The following SRBD1 variants were observed in gnomAD, a reference collection of about 807,000 sequenced individuals.
SRBD1 encodes S1 RNA-binding domain-containing protein 1.
A neutral mutation model predicts 115.3 loss-of-function variants in SRBD1; 88 were observed. The ratio of observed to expected loss-of-function variants is 0.76; its 90% CI spans 0.64 to 0.91. The LOEUF (loss-of-function observed/expected upper bound fraction) is 0.91, where lower values mean the gene tolerates loss of function less well. Ranked by LOEUF, SRBD1 falls within the 40% of genes least tolerant of loss-of-function variation. SRBD1 has a pLI of 0.00. For missense variants in SRBD1, 1,385 were observed against 1,177.4 expected (o/e 1.18, Z -2.58); for synonymous variants, 509 against 407.7 (o/e 1.25, Z -2.99).
At chr2:45,441,402 A>C (rs998247306) in intron 16 of SRBD1, among the ~76,000 whole-genome samples, 1 of 152,190 alleles carries the variant, frequency 6.6e-6, no homozygotes, top group Non-Finnish European at 1.5e-5. Context: ...CCTGATGCAC[A>C]CAGGTGTGTA....
chr2:45,389,690 GC>G, intron 20 of SRBD1, 91 bp from the exon 21 acceptor site: 1 of 1,249,830 alleles, frequency 8.0e-7, no homozygotes, highest in Non-Finnish European at 1.1e-6. Context: ...CATACTATGT[GC>G]CCAGACCAAT....
chr2:45,593,459 T>C (rs535846618), intron 4 of SRBD1, among the ~76,000 whole-genome samples: 5 of 152,182 alleles, frequency 3.3e-5, no homozygotes, highest in Non-Finnish European at 7.3e-5. Context: ...ATGAGTCTCA[T>C]GAGATCTGAT....
At chr2:45,477,111 A>C (rs1402401929) in intron 15 of SRBD1, 36 bp from the exon 16 acceptor site, 1 of 1,564,086 alleles carries the variant, frequency 6.4e-7, no homozygotes, top group Non-Finnish European at 8.8e-7. Flanking sequence ...GTATGACTTA[A>C]TGTGAAAAGC....
At chr2:45,434,704 T>C (rs966934107) in intron 16 of SRBD1, among the ~76,000 whole-genome samples, 2 of 152,170 alleles carry the variant, frequency 1.3e-5, no homozygotes, top group African/African-American at 2.4e-5. Flanking sequence ...GAGGTGTTTA[T>C]GTCAGCAAGA....
chr2:45,463,049 A>G (rs961491948), intron 16 of SRBD1, among the ~76,000 whole-genome samples: 1 of 149,364 alleles, frequency 6.7e-6, no homozygotes, highest in Non-Finnish European at 1.5e-5. Context: ...TCTTGTCAAT[A>G]TAATTTTCCC....
At chr2:45,610,222 A>T (rs1674402439) in intron 1 of SRBD1, among the ~76,000 whole-genome samples, 1 of 152,230 alleles carries the variant, frequency 6.6e-6, no homozygotes, top group Non-Finnish European at 1.5e-5. Context: ...GACGACTGCA[A>T]ATCAGGACAA....
intron 15 of SRBD1, among the ~76,000 whole-genome samples, chr2:45,484,140 T>C (rs946311741): frequency 2.0e-5 from 3 of 152,124 alleles, no homozygotes; most frequent in African/African-American, 7.2e-5. Context: ...TATTCTGGCA[T>C]CTGTTTTTAA....
intron 16 of SRBD1, among the ~76,000 whole-genome samples, chr2:45,435,573 CA>C (rs11358109): frequency 0.73 from 104,218 of 142,428 alleles, 38,103 homozygotes; most frequent in Non-Finnish European, 0.77. Flanking sequence ...AAAAAAAAAA[CA>C]AAAAAAAAAA....
intron 20 of SRBD1, among the ~76,000 whole-genome samples, chr2:45,392,138 C>T (rs1333481869): frequency 6.6e-6 from 1 of 152,012 alleles, no homozygotes; most frequent in East Asian, 1.9e-4. Context: ...AAAAACAAAA[C>T]AACCCTACAG....
intron 4 of SRBD1, among the ~76,000 whole-genome samples, chr2:45,586,395 G>A (rs1260351805): frequency 2.0e-5 from 3 of 152,090 alleles, no homozygotes; most frequent in African/African-American, 7.2e-5. Context: ...ATCTGAGGCA[G>A]CTCTATATGA....
At chr2:45,554,263 AGGAGG>A (rs960283731) in intron 10 of SRBD1, among the ~76,000 whole-genome samples, 4 of 152,212 alleles carry the variant, frequency 2.6e-5, no homozygotes, top group Non-Finnish European at 5.9e-5. Context: ...CTACAAGCCA[AGGAGG>A]GCAGCCCTCA....
chr2:45,556,766 C>T (rs1672491655), intron 10 of SRBD1, among the ~76,000 whole-genome samples: 1 of 152,024 alleles, frequency 6.6e-6, no homozygotes, highest in Non-Finnish European at 1.5e-5. Context: ...TCTGGCCTTG[C>T]TCTATGTTCA....
intron 14 of SRBD1, among the ~76,000 whole-genome samples, chr2:45,489,298 T>C (rs1670221465): frequency 6.6e-6 from 1 of 152,192 alleles, no homozygotes; most frequent in Non-Finnish European, 1.5e-5. Flanking sequence ...ACCTCTCCCT[T>C]TCTCTGCTCC....
intron 15 of SRBD1, among the ~76,000 whole-genome samples, chr2:45,485,116 C>T (rs945995568): frequency 6.6e-6 from 1 of 152,074 alleles, no homozygotes; most frequent in Non-Finnish European, 1.5e-5. Context: ...AATTGCTGGG[C>T]CTATGTTTAA....
chr2:45,502,314 A>T (rs1670659055), intron 14 of SRBD1, among the ~76,000 whole-genome samples: 2 of 152,208 alleles, frequency 1.3e-5, no homozygotes, highest in South Asian at 4.1e-4. Context: ...GATTTGACCC[A>T]GCCATCCCAT....
chr2:45,528,710 A>G (rs1182574806), intron 14 of SRBD1, among the ~76,000 whole-genome samples: 1 of 151,872 alleles, frequency 6.6e-6, no homozygotes, highest in African/African-American at 2.4e-5. Flanking sequence ...GGAAAAGAAG[A>G]TATACAGAGA....
At chr2:45,480,257 ATGCATTTTG>A (rs1362872060) in intron 15 of SRBD1, among the ~76,000 whole-genome samples, 1 of 152,190 alleles carries the variant, frequency 6.6e-6, no homozygotes, top group African/African-American at 2.4e-5. Context: ...TTTTTAAGAA[ATGCATTTTG>A]TAAGGCTATA....
In SRBD1 at chr2:45,565,824, C is replaced by T. The variant is rs145818666; in HGVS notation, c.1306-3068G>A. On this transcript the variant is annotated intron_variant, in intron 9 of 20. Transcript: ENST00000263736. ...TATTTTCTTAAGAGATGGGGTTTCACCATGTTGGCCAGGCTGGTCTCGAAC... is the reference window on the plus strand; with the variant it reads ...TATTTTCTTAAGAGATGGGGTTTCATCATGTTGGCCAGGCTGGTCTCGAAC... 2.8e-4 allele frequency among the ~76,000 whole-genome samples: 42 copies of T among 152,328 alleles called. 1 individual carries two copies. In the East Asian group the frequency reaches 7.9e-3, roughly 29 times the overall value.
intron 9 of SRBD1, among the ~76,000 whole-genome samples, chr2:45,563,318 T>C (rs192513202): frequency 8.7e-4 from 132 of 152,084 alleles, no homozygotes; most frequent in Admixed American, 2.2e-3. Context: ...AGCTAGCAAG[T>C]AGCAAAAAAA....
Sources: allele counts gnomAD v4.1 joint callset (sites outside exome capture counted in the v4.1 genomes callset), GRCh38; gene constraint gnomAD v4.1.1; transcripts MANE v1.5; gene names NCBI Gene and HGNC (gene_info 2026-07-23, HGNC 2026-07-21).